GPRIN3: variants seen among roughly 807,000 people sequenced by gnomAD.
GPRIN3 encodes the protein GPRIN family member 3.
In GPRIN3, 12 loss-of-function variants were observed where a neutral mutation model predicts 13.7. That is an observed-to-expected ratio of 0.87 (90% CI 0.56 to 1.42). The LOEUF (loss-of-function observed/expected upper bound fraction) is 1.42. Ranked by LOEUF, GPRIN3 falls within the 40% of genes most tolerant of loss-of-function variation. GPRIN3 has a pLI of 0.00. For synonymous variants in GPRIN3, 377 were observed against 372.7 expected (o/e 1.01, Z -0.13); for missense variants, 1,009 against 958.7 (o/e 1.05, Z -0.69).
chr4:89,301,127 G>C (rs575585845), intron 1 of GPRIN3, among the ~76,000 whole-genome samples: 6 of 152,140 alleles, frequency 3.9e-5, no homozygotes, highest in Non-Finnish European at 8.8e-5. Context: ...ACCATGCTTT[G>C]AGTGGATTGA....
At position 89,249,364 on chromosome 4, in the gene GPRIN3, CT is replaced by C; in HGVS notation, c.746del (p.Gln249ArgfsTer15). Reference protein sequence around the residue: ...TRESGCSENKQPSVTASGPQG... With the variant: ...TRESGCSENKXPSVTASGPQG... ...GGGGGCCCGAGGCAGTGACAGAGGG[CT>C]GCTTGTTCTCTGAACATCCAGATTC... On this transcript the variant is annotated frameshift_variant, in exon 2 of 2. Transcript: ENST00000609438. LOFTEE classifies it low-confidence loss of function (END_TRUNC). 6 of 1,614,134 alleles carry C rather than the reference CT, an allele frequency of 3.7e-6. No individual in the cohort carries two copies. The highest frequency in any genetic ancestry group is 5.1e-6 in the Non-Finnish European group (6 of 1,180,002).
chr4:89,248,216 G>T lies in GPRIN3; in HGVS notation c.1895C>A (p.Pro632Gln). The change falls in exon 2 of 2, where the codon CCA becomes CAA. Residue 632 changes from proline to glutamine, a missense_variant. Transcript: ENST00000609438. ...KTPSRSVKAS[P>Q]RRPSRVSEFL... ...CTCGCTGACGCGGCTGGGCCTGCGT[G>T]GGCTGGCTTTGACGGAGCGAGATGG... 6.2e-7 allele frequency: 1 copy of T among 1,614,174 alleles called. No individual in the cohort carries two copies. The highest frequency in any genetic ancestry group is 8.5e-7 in the Non-Finnish European group (1 of 1,180,018).
chr4:89,241,946 G>A lies in GPRIN3; in HGVS notation c.*5834C>T, dbSNP rs929522706. The A allele has an allele frequency of 6.6e-6, 1 of 152,102 alleles. No homozygotes were observed. The highest frequency in any genetic ancestry group is 1.5e-5 in the Non-Finnish European group (1 of 68,004). 9.4% of individuals were successfully genotyped at this position (152,102 alleles called of 1,614,324 possible). On this transcript the variant is annotated 3_prime_UTR_variant, in exon 2 of 2. Transcript: ENST00000609438. The stretch of plus-strand genomic sequence containing the variant: ...AAAGCAACAAAGAACAATACTAGCA[G>A]CAATGTCAAAAAGCAAGCTATAATT...
At position 89,248,910 on chromosome 4, in the gene GPRIN3, A is replaced by G; in HGVS notation, c.1201T>C (p.Ser401Pro). ...TTATTTTCCCGTTGGAAAGCTGTAG[A>G]CTCAGCTGCAGCTGCCTGAATGTGC... ...QVHIQAAAAE[S>P]TAFQRENKLA... The change falls in exon 2 of 2, where the codon TCT becomes CCT. Residue 401 changes from serine to proline, a missense_variant. Coordinates refer to ENST00000609438, the MANE Select transcript of GPRIN3 (RefSeq NM_198281.3). 1 of 1,614,110 alleles carries G rather than the reference A, an allele frequency of 6.2e-7. No individual in the cohort carries two copies. The highest frequency in any genetic ancestry group is 2.2e-5 in the East Asian group (1 of 44,870).
rs547397617 is a variant in GPRIN3 at position 89,299,545 on chromosome 4, A to G, written c.-124+8070T>C. 7.2e-5 allele frequency among the ~76,000 whole-genome samples: 11 copies of G among 152,294 alleles called. No homozygotes were observed. In the South Asian group the frequency reaches 2.3e-3, roughly 32 times the overall value. ...TTGTCTTTATTTGCAACATGAATAA[A>G]TCAACCCTGATGCAGTCACCTCATT... is the stretch of plus-strand genomic sequence containing the variant. On this transcript the variant is annotated intron_variant, in intron 1 of 1. Coordinates refer to ENST00000609438, the MANE Select transcript of GPRIN3 (RefSeq NM_198281.3).
rs1280331446 is a variant in GPRIN3 at position 89,237,237 on chromosome 4, T to C, written c.*10543A>G. 3 of 152,202 alleles carry C rather than the reference T, an allele frequency of 2.0e-5. No homozygotes were observed. The highest frequency in any genetic ancestry group is 1.3e-4 in the Admixed American group (2 of 15,274). The allele number at this position is 152,202 out of a possible 1,614,324, so 9.4% of individuals were successfully genotyped here. A position where few individuals can be genotyped will look rare whatever the true frequency, so the allele number is the denominator to read the frequency against. On this transcript the variant is annotated 3_prime_UTR_variant, in exon 2 of 2. Transcript: ENST00000609438. The stretch of plus-strand genomic sequence containing the variant: ...AGAAAAACCAGCTTCAGAACATTGC[T>C]AAGGTAGTTACAAGGGTCTAAACAT...
chr4:89,270,596 TATATAA>T (rs1247031455), intron 1 of GPRIN3, among the ~76,000 whole-genome samples: 49 of 128,622 alleles, frequency 3.8e-4, no homozygotes, highest in African/African-American at 1.6e-3. Flanking sequence ...TATATATATA[TATATAA>T]AATATAGATA....
intron 1 of GPRIN3, among the ~76,000 whole-genome samples, chr4:89,256,940 T>C (rs1199685092): frequency 6.6e-6 from 1 of 152,222 alleles, no homozygotes; most frequent in Non-Finnish European, 1.5e-5. Flanking sequence ...ACCCAGCAGA[T>C]TCTGCCAGTG....
intron 1 of GPRIN3, among the ~76,000 whole-genome samples, chr4:89,273,977 A>G (rs1724028327): frequency 1.3e-5 from 2 of 152,348 alleles, no homozygotes; most frequent in South Asian, 4.1e-4. Flanking sequence ...GAGTAAACAT[A>G]GACTCTGTCC....
intron 1 of GPRIN3, among the ~76,000 whole-genome samples, chr4:89,254,367 G>A (rs1723412828): frequency 6.6e-6 from 1 of 151,652 alleles, no homozygotes; most frequent in Admixed American, 6.6e-5. Context: ...GTTTTTTTCT[G>A]ATCCTCTCCC....
In GPRIN3 at chr4:89,241,767, A is replaced by T. The variant is rs1722952678; in HGVS notation, c.*6013T>A. 1 of 152,200 alleles carries T rather than the reference A, an allele frequency of 6.6e-6. No homozygotes were observed. The highest frequency in any genetic ancestry group is 2.4e-5 in the African/African-American group (1 of 41,460). The allele number at this position is 152,200 out of a possible 1,614,324, so 9.4% of individuals were successfully genotyped here. On this transcript the variant is annotated 3_prime_UTR_variant, in exon 2 of 2. Transcript: ENST00000609438. The stretch of plus-strand genomic sequence containing the variant: ...ATGTTAAGGAATCTCAACTAAAATC[A>T]TCAAGGATGCCAATTAACATGAGTA...
chr4:89,263,175 C>T (rs1007365751), intron 1 of GPRIN3, among the ~76,000 whole-genome samples: 2 of 152,204 alleles, frequency 1.3e-5, no homozygotes, highest in African/African-American at 2.4e-5. Context: ...CCGCCACTTG[C>T]TGCTAATGTT....
At position 89,271,267 on chromosome 4, in the gene GPRIN3, T is replaced by C. The variant is rs181212492; in HGVS notation, c.-123-21034A>G. Among the ~76,000 whole-genome samples, 10 of 152,250 alleles carry C rather than the reference T, an allele frequency of 6.6e-5. No individual in the cohort carries two copies. In the East Asian group the frequency reaches 1.7e-3, roughly 26 times the overall value. On this transcript the variant is annotated intron_variant, in intron 1 of 1. Coordinates refer to ENST00000609438, the MANE Select transcript of GPRIN3 (RefSeq NM_198281.3). The stretch of plus-strand genomic sequence containing the variant: ...TTTAATCAATTTGCCCAAAGTCAAA[T>C]AGCTAGTAAGAAATACTGCTGACTT...
rs1722856760 is a variant in GPRIN3 at position 89,239,117 on chromosome 4, T to C, written c.*8663A>G. On this transcript the variant is annotated 3_prime_UTR_variant, in exon 2 of 2. Coordinates refer to ENST00000609438, the MANE Select transcript of GPRIN3 (RefSeq NM_198281.3). ...GAGGATGAGAACTTTCTGAAATGAT[T>C]TTATGGCCTTTGTAAACATTATAAT... 1 of 152,172 alleles carries C rather than the reference T, an allele frequency of 6.6e-6. No homozygotes were observed. Among genetic ancestry groups the C allele is most frequent in the African/African-American group, 2.4e-5 (1 of 41,454 alleles). The allele number at this position is 152,172 out of a possible 1,614,324, so 9.4% of individuals were successfully genotyped here. A position where few individuals can be genotyped will look rare whatever the true frequency, so the allele number is the denominator to read the frequency against.
chr4:89,272,728 C>T (rs1437585484), intron 1 of GPRIN3, among the ~76,000 whole-genome samples: 1 of 152,122 alleles, frequency 6.6e-6, no homozygotes, highest in Non-Finnish European at 1.5e-5. Context: ...TATAACAACC[C>T]AGTACACACA....
chr4:89,242,101 G>A lies in GPRIN3; in HGVS notation c.*5679C>T, dbSNP rs1722959991. 1 of 152,104 alleles carries A rather than the reference G, an allele frequency of 6.6e-6. No individual in the cohort carries two copies. The highest frequency in any genetic ancestry group is 2.1e-4 in the South Asian group (1 of 4,824). The allele number at this position is 152,104 out of a possible 1,614,324, so 9.4% of individuals were successfully genotyped here. A position where few individuals can be genotyped will look rare whatever the true frequency, so the allele number is the denominator to read the frequency against. On this transcript the variant is annotated 3_prime_UTR_variant, in exon 2 of 2. Coordinates refer to ENST00000609438, the MANE Select transcript of GPRIN3 (RefSeq NM_198281.3). ...GGTATCTCATCATAATTATCACCATGCAGGTTGATCATCAATATCCTTTTC... is the reference window on the plus strand; with the variant it reads ...GGTATCTCATCATAATTATCACCATACAGGTTGATCATCAATATCCTTTTC...
At position 89,248,276 on chromosome 4, in the gene GPRIN3, A is replaced by G. The variant is rs573669562; in HGVS notation, c.1835T>C (p.Met612Thr). 2.2e-5 allele frequency: 35 copies of G among 1,614,140 alleles called. No homozygotes were observed. In the South Asian group the frequency reaches 3.4e-4, roughly 16 times the overall value. ...GCCAGAACCTGGGCTGGAGTCACCC[A>G]TGGGATCAGATGGCAGGCTCAGGCT... ...ATSLSLPSDP[M>T]GDSSPGSGKK... Residue 612 changes from methionine to threonine, a missense_variant, in exon 2 of 2, where the codon ATG becomes ACG. Met to Thr is a moderately conservative substitution (Grantham distance 81). Coordinates refer to ENST00000609438, the MANE Select transcript of GPRIN3 (RefSeq NM_198281.3).
chr4:89,263,784 C>A (rs1290526156), intron 1 of GPRIN3, among the ~76,000 whole-genome samples: 2 of 152,098 alleles, frequency 1.3e-5, no homozygotes, highest in Non-Finnish European at 2.9e-5. Flanking sequence ...GAAACTGAGG[C>A]CCAGAGAATT....
chr4:89,270,273 A>C (rs1723894308), intron 1 of GPRIN3, among the ~76,000 whole-genome samples: 1 of 151,912 alleles, frequency 6.6e-6, no homozygotes, highest in Non-Finnish European at 1.5e-5. Flanking sequence ...AGGTTGATAT[A>C]AAAAACCTGG....
Sources: allele counts gnomAD v4.1 joint callset (sites outside exome capture counted in the v4.1 genomes callset), GRCh38; gene constraint gnomAD v4.1.1; transcripts MANE v1.5; gene names NCBI Gene and HGNC (gene_info 2026-07-23, HGNC 2026-07-21).